ABCB4: variants seen among roughly 807,000 people sequenced by gnomAD.
The protein encoded by ABCB4 is ATP binding cassette subfamily B member 4, also known as phosphatidylcholine translocator ABCB4.
ABCB4 carries 76 observed loss-of-function variants against 145.7 expected under a neutral mutation model. That is an observed-to-expected ratio of 0.52 (90% CI 0.43 to 0.63). ABCB4 has a LOEUF of 0.63. Among genes scored for constraint, ABCB4 ranks in the 30% least tolerant of loss-of-function variants. The pLI is 0.00. For missense variants in ABCB4, 1,234 were observed against 1,553.1 expected (o/e 0.79, Z 3.45); for synonymous variants, 517 against 566.8 (o/e 0.91, Z 1.25).
At chr7:87,384,223 T>C in the ABCB4 span, among the ~76,000 whole-genome samples, 2 of 152,146 alleles carry the variant, frequency 1.3e-5, no homozygotes, top group African/African-American at 4.8e-5. Context: ...ATGTCTTCTT[T>C]TGAGAAATGT....
chr7:87,474,974 G>A (rs1447225969), intron 2 of ABCB4, among the ~76,000 whole-genome samples: 1 of 152,128 alleles, frequency 6.6e-6, no homozygotes, highest in African/African-American at 2.4e-5. Flanking sequence ...TTGCTTCACT[G>A]CCCTTGTTCA....
In ABCB4 at chr7:87,406,624, G is replaced by A. The variant is rs565468199; in HGVS notation, c.3280-130C>T. The A allele has an allele frequency of 2.5e-3, 2,375 of 961,786 alleles. 7 individuals are homozygous for A. The highest frequency in any genetic ancestry group is 3.0e-3 in the Non-Finnish European group (1,936 of 636,552). 59.6% of individuals were successfully genotyped at this position (961,786 alleles called of 1,614,324 possible). A position where few individuals can be genotyped will look rare whatever the true frequency, so the allele number is the denominator to read the frequency against. ...CAGCTTCAAAACAACAACCCTCCAA[G>A]ACTTATACCATTGAGGCCAGCATGG... On this transcript the variant is annotated intron_variant, in intron 25 of 27. Transcript: ENST00000649586.
At chr7:87,446,903 G>T in intron 9 of ABCB4, 131 bp downstream of exon 9, 1 of 826,136 alleles carries the variant, frequency 1.2e-6, no homozygotes, top group Non-Finnish European at 1.9e-6. Context: ...CTGGACAGTG[G>T]AAAGATTCAC....
the ABCB4 span, chr7:87,382,595 C>T: frequency 1.3e-6 from 2 of 1,538,764 alleles, no homozygotes; most frequent in Non-Finnish European, 1.7e-6. Context: ...AAGGGTATAT[C>T]TTTTTTTATA....
At chr7:87,436,854 C>T (rs1810642473) in intron 14 of ABCB4, among the ~76,000 whole-genome samples, 1 of 152,140 alleles carries the variant, frequency 6.6e-6, no homozygotes, top group Admixed American at 6.5e-5. Context: ...CACCGCCACT[C>T]TATGTTGAGA....
chr7:87,453,552 A>T (rs2072384), intron 5 of ABCB4, among the ~76,000 whole-genome samples: 40,452 of 151,826 alleles, frequency 0.27, 6,535 homozygotes, highest in African/African-American at 0.46. Context: ...ACTAAACTTA[A>T]AACAAAAACT....
In ABCB4 at chr7:87,443,368, C is replaced by T. The variant is rs752174521; in HGVS notation, c.1307G>A (p.Ser436Asn). 1 of 1,614,126 alleles carries T rather than the reference C, an allele frequency of 6.2e-7. No individual in the cohort carries two copies. The highest frequency in any genetic ancestry group is 8.5e-7 in the Non-Finnish European group (1 of 1,180,012). Reference sequence around the variant, plus strand: ...CCTCTGTATCAGCTGGACCGTTGTGCTCTTCCCACAGCCACTACTTCCAAC... The same window carrying T: ...CCTCTGTATCAGCTGGACCGTTGTGTTCTTCCCACAGCCACTACTTCCAAC... ...ALVGSSGCGK[S>N]TTVQLIQRLY... The change falls in exon 12 of 28, where the codon AGC becomes AAC. Residue 436 changes from serine to asparagine, a missense_variant. Physicochemically the swap from Ser to Asn is conservative, Grantham distance 46. Coordinates refer to ENST00000649586, the MANE Select transcript of ABCB4 (RefSeq NM_000443.4).
At chr7:87,385,084 G>C in the ABCB4 span, among the ~76,000 whole-genome samples, 1 of 150,286 alleles carries the variant, frequency 6.7e-6, no homozygotes, top group African/African-American at 2.4e-5. Flanking sequence ...ATGCTGTTTT[G>C]GTTACTATAG....
chr7:87,434,471 C>T (rs546576058), intron 14 of ABCB4, among the ~76,000 whole-genome samples: 106 of 152,016 alleles, frequency 7.0e-4, no homozygotes, highest in African/African-American at 2.4e-3. Context: ...ATTTTAGGGC[C>T]GGGCGCGGTG....
chr7:87,401,287 A>C (rs976667779), downstream of ABCB4, among the ~76,000 whole-genome samples: 1 of 152,216 alleles, frequency 6.6e-6, no homozygotes, highest in Non-Finnish European at 1.5e-5. Flanking sequence ...GGAGAAAACA[A>C]AGGGAAAATT....
intron 21 of ABCB4, 62 bp from the exon 22 acceptor site, chr7:87,413,779 A>G (rs1808786278): frequency 1.8e-6 from 2 of 1,140,718 alleles, no homozygotes. Flanking sequence ...AATGAAAAAT[A>G]AGCCCTAGGG....
chr7:87,412,143 CCA>C (rs1808669104), intron 22 of ABCB4, 110 bp from the exon 23 acceptor site: 2 of 1,105,308 alleles, frequency 1.8e-6, no homozygotes, highest in Non-Finnish European at 2.7e-6. Context: ...AGTTCCACCT[CCA>C]GTTATATTAG....
At chr7:87,457,446 C>G (rs1269768094) in intron 4 of ABCB4, among the ~76,000 whole-genome samples, 1 of 152,108 alleles carries the variant, frequency 6.6e-6, no homozygotes, top group Non-Finnish European at 1.5e-5. Flanking sequence ...TCTAATATGC[C>G]AGGATGGAGA....
intron 9 of ABCB4, among the ~76,000 whole-genome samples, chr7:87,445,509 AAC>A (rs1184349267): frequency 6.6e-6 from 1 of 152,246 alleles, no homozygotes; most frequent in Non-Finnish European, 1.5e-5. Context: ...TGTAGCATAC[AAC>A]ACTTAACACA....
At chr7:87,405,791 T>C (rs772304452) in intron 26 of ABCB4, 7 of 205,246 alleles carry the variant, frequency 3.4e-5, no homozygotes, top group African/African-American at 7.1e-5. Context: ...TAAATCCATA[T>C]GCAAATGAAT....
Position 87,462,864 on chromosome 7 carries a change from A to G in ABCB4, c.180T>C (p.Gly60=). The change falls in exon 4 of 28, where the codon GGT becomes GGC. Residue 60 remains glycine (G), a synonymous_variant. Coordinates refer to ENST00000649586, the MANE Select transcript of ABCB4 (RefSeq NM_000443.4). Reference sequence around the variant, plus strand: ...ATCCGTGAGCTATGGCCATGATGGTACCCAGCGACATAAACAATTTATCCT... The same window carrying G: ...ATCCGTGAGCTATGGCCATGATGGTGCCCAGCGACATAAACAATTTATCCT... ...DWQDKLFMSL[G]TIMAIAHGSG... is the part of the protein sequence containing the mutation. 1 of 1,613,968 alleles carries G rather than the reference A, an allele frequency of 6.2e-7. No individual in the cohort carries two copies. The highest frequency in any genetic ancestry group is 1.6e-4 in the Middle Eastern group (1 of 6,062).
At chr7:87,393,084 T>G in the ABCB4 span, 1 of 1,610,146 alleles carries the variant, frequency 6.2e-7, no homozygotes, top group Admixed American at 1.7e-5. Context: ...CTTCTCTTTT[T>G]TATTCTTTCT....
chr7:87,375,643 A>C, the ABCB4 span: 14 of 1,612,496 alleles, frequency 8.7e-6, no homozygotes, highest in Non-Finnish European at 1.1e-5. Context: ...CAACTGACAT[A>C]TATCCACAAG....
the ABCB4 span, among the ~76,000 whole-genome samples, chr7:87,383,713 T>G: frequency 6.6e-6 from 1 of 152,060 alleles, no homozygotes; most frequent in Non-Finnish European, 1.5e-5. Context: ...GCCAGGCTGG[T>G]CTCTAACTCC....
Sources: allele counts gnomAD v4.1 joint callset (sites outside exome capture counted in the v4.1 genomes callset), GRCh38; gene constraint gnomAD v4.1.1; transcripts MANE v1.5; gene names NCBI Gene and HGNC (gene_info 2026-07-23, HGNC 2026-07-21).